The following TXNDC5 variants were observed in gnomAD, a reference collection of about 807,000 sequenced individuals.
TXNDC5 encodes the protein thioredoxin domain containing 5.
TXNDC5 carries 44 observed loss-of-function variants against 52.6 expected under a neutral mutation model. The ratio of observed to expected loss-of-function variants is 0.84; its 90% CI spans 0.66 to 1.08. The LOEUF (loss-of-function observed/expected upper bound fraction) is 1.08, where lower values mean the gene tolerates loss of function less well. Ranked by LOEUF, TXNDC5 falls within the 50% of genes least tolerant of loss-of-function variation. The probability of loss-of-function intolerance (pLI) is 0.00; values close to 1 mark genes in which losing one functional copy is unlikely to be tolerated. For synonymous variants in TXNDC5, 241 were observed against 234.4 expected (o/e 1.03, Z -0.26); for missense variants, 600 against 565.5 (o/e 1.06, Z -0.62).
intron 2 of TXNDC5, among the ~76,000 whole-genome samples, chr6:7,900,960 A>AAAATGGCT (rs1338475491): frequency 1.3e-5 from 2 of 152,028 alleles, no homozygotes; most frequent in African/African-American, 2.4e-5. Context: ...AGTCCAAAAA[A>AAAATGGCT]AAATGGCTAA....
chr6:7,898,276 G>C (rs985240011), intron 3 of TXNDC5, among the ~76,000 whole-genome samples: 3 of 152,082 alleles, frequency 2.0e-5, no homozygotes, highest in African/African-American at 2.4e-5. Flanking sequence ...GGCTGGTCTT[G>C]AACTCTTGAC....
chr6:7,888,698 C>A lies in TXNDC5; in HGVS notation c.963+7G>T. 1.2e-6 allele frequency: 2 copies of A among 1,606,344 alleles called. No homozygotes were observed. The highest frequency in any genetic ancestry group is 1.7e-6 in the Non-Finnish European group (2 of 1,177,534). ...TTATGGGGATCCCGACTCCAGCAGG[C>A]ACCCACCTTGTCAGCCTCGGGCTCA... is the stretch of plus-strand genomic sequence containing the variant. On this transcript the variant is annotated splice_region_variant and intron_variant, in intron 7 of 9. Transcript: ENST00000379757.
chr6:7,898,269 T>C (rs1309416837), intron 3 of TXNDC5, among the ~76,000 whole-genome samples: 1 of 152,168 alleles, frequency 6.6e-6, no homozygotes, highest in East Asian at 1.9e-4. Flanking sequence ...TTGGCCAGGC[T>C]GGTCTTGAAC....
rs1450183849 is a variant in TXNDC5, at chr6:7,899,593, G to A, written c.502C>T (p.Leu168=). The change falls in exon 3 of 10, where the codon CTG becomes TTG. Residue 168 remains leucine (L), a synonymous_variant. Coordinates refer to ENST00000379757, the MANE Select transcript of TXNDC5 (RefSeq NM_030810.5). ...ACACTCACCACTGGCTCCTCGTTCA[G>A]TGTCTGCAGCATCCAGTTTTCCAGT... ...QTLENWMLQT[L]NEEPVTPEPE... is the part of the protein sequence containing the mutation. 3.1e-6 allele frequency: 5 copies of A among 1,613,848 alleles called. No homozygotes were observed. The African/African-American group carries it at 5.3e-5, about 17-fold the overall frequency.
intron 1 of TXNDC5, among the ~76,000 whole-genome samples, chr6:7,906,556 AAG>A (rs1233111805): frequency 0.016 from 2,261 of 142,230 alleles, 307 homozygotes; most frequent in African/African-American, 0.041. Flanking sequence ...AAAAAAAAAA[AAG>A]AAAAACAGAC....
chr6:7,895,839 T>G (rs1359420477), intron 3 of TXNDC5, among the ~76,000 whole-genome samples: 1 of 151,862 alleles, frequency 6.6e-6, no homozygotes, highest in Non-Finnish European at 1.5e-5. Flanking sequence ...AAAAAAAAAT[T>G]TTATTTACCT....
intron 8 of TXNDC5, among the ~76,000 whole-genome samples, chr6:7,885,004 T>A (rs1346030369): frequency 1.3e-5 from 2 of 152,194 alleles, no homozygotes; most frequent in Non-Finnish European, 2.9e-5. Context: ...CCGACTCTGT[T>A]CCCTTGTCTC....
intron 4 of TXNDC5, among the ~76,000 whole-genome samples, chr6:7,892,255 C>T (rs1332153016): frequency 6.6e-6 from 1 of 152,172 alleles, no homozygotes; most frequent in Admixed American, 6.5e-5. Context: ...CACACTGAAA[C>T]TGATTTTGTC....
rs145583296 is a variant in TXNDC5, at chr6:7,909,885, G to A, written c.263+629C>T. On this transcript the variant is annotated intron_variant, in intron 1 of 9. Coordinates refer to ENST00000379757, the MANE Select transcript of TXNDC5 (RefSeq NM_030810.5). ...CCGCAGTCTGTCCCAGCCGACCCCG[G>A]TGGCCGCGGCAGCAGCAAGGCCGCT... 6.5e-5 allele frequency: 64 copies of A among 986,036 alleles called. No homozygotes were observed. The African/African-American group carries it at 6.6e-4, about 10-fold the overall frequency. The allele number at this position is 986,036 out of a possible 1,614,324, so 61.1% of individuals were successfully genotyped here. A position where few individuals can be genotyped will look rare whatever the true frequency, so the allele number is the denominator to read the frequency against.
At chr6:7,886,222 G>A (rs1035377677) in intron 7 of TXNDC5, among the ~76,000 whole-genome samples, 179 bp from the exon 8 acceptor site, 2 of 152,232 alleles carry the variant, frequency 1.3e-5, no homozygotes, top group African/African-American at 4.8e-5. Flanking sequence ...AAGGGAGGCT[G>A]GCAGCCTCTG....
At chr6:7,902,321 C>T (rs1197331174) in intron 2 of TXNDC5, among the ~76,000 whole-genome samples, 1 of 152,198 alleles carries the variant, frequency 6.6e-6, no homozygotes, top group Non-Finnish European at 1.5e-5. Context: ...GTCAGTCCTG[C>T]CCTGCTGTAA....
At position 7,886,021 on chromosome 6, in the gene TXNDC5, TCAGTGAGTGCCAACA is replaced by T; in HGVS notation, c.971_985del (p.Val324_Thr328del). 6.2e-7 allele frequency: 1 copy of T among 1,614,184 alleles called. No homozygotes were observed. ...TGCAATGGTGTCATCGAAGTTATTT[TCAGTGAGTGCCAACA>T]CAGTGCCCTTCAAGGGAGGAAAAAG... On this transcript the variant is annotated inframe_deletion, in exon 8 of 10. Coordinates refer to ENST00000379757, the MANE Select transcript of TXNDC5 (RefSeq NM_030810.5).
In TXNDC5 at chr6:7,896,236, G is replaced by A. The variant is rs139411943; in HGVS notation, c.520-1034C>T. On this transcript the variant is annotated intron_variant, in intron 3 of 9. Transcript: ENST00000379757. ...ATAAGCTGCACCTTCAAGAAAGAAT[G>A]TAATTCATATGACTAAGTCTCATAC... 3.2e-3 allele frequency among the ~76,000 whole-genome samples: 485 copies of A among 152,260 alleles called. 2 individuals carry two copies. The highest frequency in any genetic ancestry group is 0.011 in the African/African-American group (458 of 41,552).
intron 2 of TXNDC5, among the ~76,000 whole-genome samples, chr6:7,904,068 G>T (rs1318063764): frequency 1.3e-5 from 2 of 152,176 alleles, no homozygotes; most frequent in Admixed American, 6.5e-5. Context: ...TTTAATAAGA[G>T]AACAATTCTA....
chr6:7,884,685 G>A (rs1410252434), intron 8 of TXNDC5, among the ~76,000 whole-genome samples, 197 bp from the exon 9 acceptor site: 1 of 152,180 alleles, frequency 6.6e-6, no homozygotes, highest in Non-Finnish European at 1.5e-5. Flanking sequence ...CCCAAAAGTT[G>A]ATCCAAGGTA....
intron 4 of TXNDC5, chr6:7,894,833 C>T: frequency 4.1e-6 from 4 of 985,426 alleles, no homozygotes; most frequent in Non-Finnish European, 4.8e-6. Context: ...TGTCAATAAA[C>T]ACTCTTAGCC....
In TXNDC5 at chr6:7,884,418, C is replaced by A. The variant is rs1375157453; in HGVS notation, c.1117G>T (p.Gly373Trp). 4.3e-6 allele frequency: 7 copies of A among 1,614,162 alleles called. No individual in the cohort carries two copies. The highest frequency in any genetic ancestry group is 5.9e-6 in the Non-Finnish European group (7 of 1,180,008). ...CAGTCTACTTCGGCGATCTTGACCCCCGCCAGACCAGGGAATTCCTTTTTA... is the reference window on the plus strand; with the variant it reads ...CAGTCTACTTCGGCGATCTTGACCCACGCCAGACCAGGGAATTCCTTTTTA... ...LSKKEFPGLAGVKIAEVDCTA... is the reference protein window; with the variant it reads ...LSKKEFPGLAWVKIAEVDCTA... The change falls in exon 9 of 10, where the codon GGG (glycine) becomes TGG (tryptophan). Residue 373 changes from glycine to tryptophan, a missense_variant. Coordinates refer to ENST00000379757, the MANE Select transcript of TXNDC5 (RefSeq NM_030810.5).
rs190712148 is a variant in TXNDC5 at position 7,884,275 on chromosome 6, G to A, written c.1176+84C>T. 9.0e-6 allele frequency: 14 copies of A among 1,556,156 alleles called. No individual in the cohort carries two copies. In the African/African-American group the frequency reaches 1.4e-4, roughly 15 times the overall value. ...ACATTGTTGAGAAGATGAGAGCAGAGTGAGTTATCGTGGTTGAGGCACAGT... is the reference window on the plus strand; with the variant it reads ...ACATTGTTGAGAAGATGAGAGCAGAATGAGTTATCGTGGTTGAGGCACAGT... On this transcript the variant is annotated intron_variant, in intron 9 of 9. Coordinates refer to ENST00000379757, the MANE Select transcript of TXNDC5 (RefSeq NM_030810.5).
At chr6:7,895,412 G>T (rs1475627578) in intron 3 of TXNDC5, among the ~76,000 whole-genome samples, 2 of 152,050 alleles carry the variant, frequency 1.3e-5, no homozygotes, top group Non-Finnish European at 2.9e-5. Flanking sequence ...AAGCCCCCTC[G>T]TCAGCCTCAC....
Sources: allele counts gnomAD v4.1 joint callset (sites outside exome capture counted in the v4.1 genomes callset), GRCh38; gene constraint gnomAD v4.1.1; transcripts MANE v1.5; gene names NCBI Gene and HGNC (gene_info 2026-07-23, HGNC 2026-07-21).